The following PSD3 variants were observed in gnomAD, a reference collection of about 807,000 sequenced individuals.
The protein encoded by PSD3 is PH and SEC7 domain-containing protein 3.
Under a neutral mutation model 105.5 loss-of-function variants are expected in PSD3, and 49 were observed. The ratio of observed to expected loss-of-function variants is 0.46; its 90% CI spans 0.37 to 0.59. The LOEUF (loss-of-function observed/expected upper bound fraction) is 0.59. Among genes scored for constraint, PSD3 ranks in the 20% least tolerant of loss-of-function variants. The probability of loss-of-function intolerance (pLI) is 0.00; values close to 1 mark genes in which losing one functional copy is unlikely to be tolerated. For missense variants in PSD3, 1,561 were observed against 1,263.8 expected (o/e 1.24, Z -3.57); for synonymous variants, 557 against 457.8 (o/e 1.22, Z -2.77).
chr8:18,983,119 C>T (rs546487352), intron 1 of PSD3, among the ~76,000 whole-genome samples: 6 of 152,350 alleles, frequency 3.9e-5, no homozygotes, highest in African/African-American at 1.4e-4. Flanking sequence ...GCTGCTTCAC[C>T]TTTATGTTAT....
At chr8:18,616,706 C>T (rs1377691279) in intron 11 of PSD3, among the ~76,000 whole-genome samples, 5 of 143,688 alleles carry the variant, frequency 3.5e-5, no homozygotes, top group Non-Finnish European at 7.6e-5. Context: ...TCACTGCAAG[C>T]TCCGCCTCCC....
intron 8 of PSD3, 63 bp downstream of exon 8, chr8:18,799,232 G>T: frequency 2.9e-6 from 4 of 1,393,112 alleles, no homozygotes; most frequent in South Asian, 1.2e-5. Context: ...AAATGTGTTT[G>T]AACATAAAAG....
chr8:19,071,646 C>T (rs1461791849), intron 1 of PSD3, among the ~76,000 whole-genome samples: 1 of 152,184 alleles, frequency 6.6e-6, no homozygotes, highest in East Asian at 1.9e-4. Context: ...AGGGTGGGTG[C>T]ATTTATGAGA....
At chr8:18,761,292 G>A (rs1307718998) in intron 9 of PSD3, among the ~76,000 whole-genome samples, 1 of 152,100 alleles carries the variant, frequency 6.6e-6, no homozygotes, top group Admixed American at 6.5e-5. Flanking sequence ...AAGGGATGGT[G>A]GGTAGAGGTT....
intron 10 of PSD3, among the ~76,000 whole-genome samples, chr8:18,650,187 C>G (rs9918925): frequency 6.6e-6 from 1 of 151,952 alleles, no homozygotes; most frequent in African/African-American, 2.4e-5. Flanking sequence ...TTGTGTTAAT[C>G]GTTGTATTTT....
intron 2 of PSD3, among the ~76,000 whole-genome samples, chr8:18,932,210 G>C (rs1821795557): frequency 3.9e-5 from 6 of 152,168 alleles, no homozygotes; most frequent in Admixed American, 3.3e-4. Context: ...CTATTTTACA[G>C]ATGAAGAAAC....
chr8:18,977,625 T>C (rs1213048182), intron 1 of PSD3, among the ~76,000 whole-genome samples: 1 of 152,182 alleles, frequency 6.6e-6, no homozygotes, highest in Non-Finnish European at 1.5e-5. Flanking sequence ...GAGAGATGTA[T>C]AGAACATGTC....
chr8:18,715,206 G>T (rs1490634067), intron 9 of PSD3, among the ~76,000 whole-genome samples: 5 of 152,068 alleles, frequency 3.3e-5, no homozygotes, highest in African/African-American at 1.2e-4. Context: ...GGGTTGATAG[G>T]TGCAGCTAAC....
At chr8:18,987,986 G>C (rs957905045) in intron 1 of PSD3, among the ~76,000 whole-genome samples, 4 of 151,966 alleles carry the variant, frequency 2.6e-5, no homozygotes, top group East Asian at 2.0e-4. Flanking sequence ...CACCATGCTA[G>C]CAATGGGGCA....
At chr8:18,718,557 C>G (rs918417246) in intron 9 of PSD3, among the ~76,000 whole-genome samples, 2 of 152,142 alleles carry the variant, frequency 1.3e-5, no homozygotes, top group African/African-American at 4.8e-5. Context: ...TACAGATTTG[C>G]TAAAACAAAT....
chr8:18,558,724 G>C (rs1368522422), intron 14 of PSD3, among the ~76,000 whole-genome samples: 1 of 152,264 alleles, frequency 6.6e-6, no homozygotes, highest in Non-Finnish European at 1.5e-5. Context: ...AGGAGGCTGA[G>C]GCAGGAGAAT....
intron 10 of PSD3, among the ~76,000 whole-genome samples, chr8:18,654,081 A>C (rs919558133): frequency 2.0e-5 from 3 of 152,212 alleles, no homozygotes; most frequent in Admixed American, 2.0e-4. Context: ...GTTTTCCTTG[A>C]AATGGCACGC....
intron 2 of PSD3, among the ~76,000 whole-genome samples, chr8:18,876,725 T>C (rs1245790814): frequency 1.3e-5 from 2 of 152,160 alleles, no homozygotes; most frequent in South Asian, 2.1e-4. Flanking sequence ...TTCTCTTCTA[T>C]ATATACCTAG....
At chr8:18,791,014 C>T (rs1446608539) in intron 8 of PSD3, among the ~76,000 whole-genome samples, 1 of 152,082 alleles carries the variant, frequency 6.6e-6, no homozygotes, top group African/African-American at 2.4e-5. Flanking sequence ...ATACAGCTAA[C>T]AAGGGAAATG....
At chr8:18,936,878 CA>C (rs1307420720) in intron 1 of PSD3, among the ~76,000 whole-genome samples, 22 of 152,028 alleles carry the variant, frequency 1.4e-4, no homozygotes, top group Non-Finnish European at 3.2e-4. Flanking sequence ...AGTACACCAA[CA>C]AAAAAACCAG....
chr8:18,976,463 C>T (rs1436233404), intron 1 of PSD3, among the ~76,000 whole-genome samples: 1 of 152,086 alleles, frequency 6.6e-6, no homozygotes, highest in Non-Finnish European at 1.5e-5. Flanking sequence ...TAATGTTTAC[C>T]AATACCAAGG....
At chr8:18,883,003 C>A (rs1026452597) in intron 2 of PSD3, among the ~76,000 whole-genome samples, 2 of 151,948 alleles carry the variant, frequency 1.3e-5, no homozygotes, top group Admixed American at 1.3e-4. Context: ...AAAGTGCTGC[C>A]CTAGAGCCTT....
intron 2 of PSD3, among the ~76,000 whole-genome samples, chr8:18,873,602 C>T (rs1411536463): frequency 6.6e-6 from 1 of 152,156 alleles, no homozygotes; most frequent in Non-Finnish European, 1.5e-5. Flanking sequence ...TCTACTTACT[C>T]TTCTAGCAAT....
At chr8:18,559,579 A>G (rs2130181970) in intron 14 of PSD3, among the ~76,000 whole-genome samples, 1 of 152,096 alleles carries the variant, frequency 6.6e-6, no homozygotes, top group Non-Finnish European at 1.5e-5. Flanking sequence ...AATCCAGTTT[A>G]TTTAAGAAAA....
Sources: gnomAD v4.1 joint callset for allele counts (sites outside exome capture counted in the v4.1 genomes callset) on GRCh38, gnomAD v4.1.1 for gene constraint, MANE v1.5 for transcripts, NCBI Gene and HGNC (gene_info 2026-07-23, HGNC 2026-07-21) for gene names.